ZRANB3: variants seen among roughly 807,000 people sequenced by gnomAD.
ZRANB3 encodes DNA annealing helicase and endonuclease ZRANB3.
ZRANB3 carries 125 observed loss-of-function variants against 133.8 expected under a neutral mutation model. The ratio of observed to expected loss-of-function variants is 0.93; its 90% CI spans 0.81 to 1.08. ZRANB3 has a LOEUF of 1.08. Among genes scored for constraint, ZRANB3 ranks in the 50% least tolerant of loss-of-function variants. The pLI is 0.00. For missense variants in ZRANB3, 1,229 were observed against 1,275.5 expected, an observed-to-expected ratio of 0.96 and a Z score of 0.56; for synonymous variants, 387 against 432.7, an observed-to-expected ratio of 0.89 and a Z score of 1.31.
intron 2 of ZRANB3, among the ~76,000 whole-genome samples, chr2:135,489,937 T>C (rs1337650921): frequency 6.6e-6 from 1 of 152,006 alleles, no homozygotes; most frequent in African/African-American, 2.4e-5. Context: ...AAGAGAAGTT[T>C]CCAGAAGTAG....
intron 2 of ZRANB3, among the ~76,000 whole-genome samples, chr2:135,496,109 G>A (rs1021038783): frequency 5.3e-5 from 8 of 152,082 alleles, no homozygotes; most frequent in African/African-American, 9.7e-5. Flanking sequence ...CTGGCCAGGC[G>A]TGGTGGCTCA....
intron 2 of ZRANB3, among the ~76,000 whole-genome samples, chr2:135,401,856 A>T (rs1687747259): frequency 6.6e-6 from 1 of 152,180 alleles, no homozygotes; most frequent in South Asian, 2.1e-4. Flanking sequence ...TTAAAAAAGG[A>T]AGTATAGGAT....
intron 14 of ZRANB3, 148 bp from the exon 15 acceptor site, chr2:135,224,665 A>G: frequency 5.8e-6 from 3 of 520,692 alleles, no homozygotes; most frequent in Non-Finnish European, 9.9e-6. Context: ...GGCTTGAAAT[A>G]AAACTACCAC....
chr2:135,338,724 T>C (rs1170435182), intron 6 of ZRANB3, among the ~76,000 whole-genome samples: 1 of 152,262 alleles, frequency 6.6e-6, no homozygotes, highest in Non-Finnish European at 1.5e-5. Flanking sequence ...GTAAGTTCTC[T>C]ACAACTAGTT....
intron 2 of ZRANB3, among the ~76,000 whole-genome samples, chr2:135,429,131 A>C (rs1689213866): frequency 6.6e-6 from 1 of 152,260 alleles, no homozygotes; most frequent in Non-Finnish European, 1.5e-5. Context: ...CATGGAATCA[A>C]TCTAAATGCC....
intron 2 of ZRANB3, among the ~76,000 whole-genome samples, chr2:135,491,107 T>C (rs993275805): frequency 2.0e-5 from 3 of 152,116 alleles, no homozygotes; most frequent in Admixed American, 6.6e-5. Context: ...CGTTAATCTA[T>C]TGTACATTTC....
At chr2:135,353,400 G>C (rs1208436840) in intron 4 of ZRANB3, 50 bp downstream of exon 4, 12 of 1,332,794 alleles carry the variant, frequency 9.0e-6, no homozygotes, top group Non-Finnish European at 1.1e-5. Context: ...TATATACCAG[G>C]TACACACAAG....
At chr2:135,405,035 A>T (rs1367669770) in intron 2 of ZRANB3, among the ~76,000 whole-genome samples, 1 of 152,204 alleles carries the variant, frequency 6.6e-6, no homozygotes, top group African/African-American at 2.4e-5. Context: ...AAATTGGATA[A>T]AGAGTCAAGA....
At chr2:135,442,974 G>A (rs1574110469) in intron 2 of ZRANB3, among the ~76,000 whole-genome samples, 1 of 151,984 alleles carries the variant, frequency 6.6e-6, no homozygotes, top group African/African-American at 2.4e-5. Context: ...AAATTAGCCA[G>A]GCATGGTGGC....
At chr2:135,249,531 T>C (rs1349544586) in intron 12 of ZRANB3, among the ~76,000 whole-genome samples, 2 of 152,160 alleles carry the variant, frequency 1.3e-5, no homozygotes, top group Admixed American at 6.5e-5. Flanking sequence ...CTTATAAGTG[T>C]GATATGGTTT....
At chr2:135,316,613 C>T (rs1683264126) in intron 6 of ZRANB3, among the ~76,000 whole-genome samples, 1 of 152,054 alleles carries the variant, frequency 6.6e-6, no homozygotes, top group Admixed American at 6.6e-5. Flanking sequence ...ATGTGGAACT[C>T]GTTAACATTA....
At chr2:135,516,255 T>C (rs1693694927) in intron 1 of ZRANB3, among the ~76,000 whole-genome samples, 1 of 152,060 alleles carries the variant, frequency 6.6e-6, no homozygotes, top group Non-Finnish European at 1.5e-5. Context: ...TCTGTGTCTT[T>C]CAATTGGGGC....
intron 12 of ZRANB3, among the ~76,000 whole-genome samples, chr2:135,234,247 T>C (rs1695181319): frequency 1.3e-5 from 2 of 152,276 alleles, no homozygotes; most frequent in East Asian, 1.9e-4. Context: ...GAGCTAACTA[T>C]CCTAAATATA....
At chr2:135,431,596 A>G (rs1429268248) in intron 2 of ZRANB3, among the ~76,000 whole-genome samples, 1 of 152,182 alleles carries the variant, frequency 6.6e-6, no homozygotes, top group African/African-American at 2.4e-5. Flanking sequence ...AACACCTTTT[A>G]TAATTCAATA....
intron 2 of ZRANB3, among the ~76,000 whole-genome samples, chr2:135,424,316 G>A (rs187507513): frequency 1.4e-4 from 21 of 151,726 alleles, no homozygotes; most frequent in African/African-American, 4.8e-4. Context: ...CTCAAAAAGA[G>A]GATAAAGAGA....
At chr2:135,245,654 C>T (rs1160651752) in intron 12 of ZRANB3, among the ~76,000 whole-genome samples, 1 of 151,302 alleles carries the variant, frequency 6.6e-6, no homozygotes, top group African/African-American at 2.4e-5. Flanking sequence ...GGGCTGGGTG[C>T]TGTGGCTCAC....
chr2:135,281,012 T>C (rs1048640816), intron 8 of ZRANB3, among the ~76,000 whole-genome samples: 2 of 152,214 alleles, frequency 1.3e-5, no homozygotes, highest in African/African-American at 4.8e-5. Context: ...CCTTGGCCTG[T>C]CTTTAGCAAG....
chr2:135,347,181 C>A (rs74325801), intron 5 of ZRANB3, among the ~76,000 whole-genome samples: 6 of 152,120 alleles, frequency 3.9e-5, no homozygotes, highest in Non-Finnish European at 8.8e-5. Context: ...TTTATACATT[C>A]GTCAACTGAT....
intron 3 of ZRANB3, among the ~76,000 whole-genome samples, chr2:135,371,087 AGC>A (rs1686157802): frequency 2.0e-5 from 3 of 152,204 alleles, no homozygotes; most frequent in Non-Finnish European, 4.4e-5. Context: ...TCTTTACAGC[AGC>A]ATGAGAATGA....
Sources: allele counts gnomAD v4.1 joint callset (sites outside exome capture counted in the v4.1 genomes callset), GRCh38; gene constraint gnomAD v4.1.1; transcripts MANE v1.5; gene names NCBI Gene and HGNC (gene_info 2026-07-23, HGNC 2026-07-21).